IL5RA: variants seen among roughly 807,000 people sequenced by gnomAD.
IL5RA encodes interleukin-5 receptor subunit alpha.
A neutral mutation model predicts 50.0 loss-of-function variants in IL5RA; 49 were observed. That is an observed-to-expected ratio of 0.98 (90% CI 0.78 to 1.24). IL5RA has a LOEUF of 1.24. Among genes scored for constraint, IL5RA ranks in the 50% most tolerant of loss-of-function variants. IL5RA has a pLI of 0.00. For missense variants in IL5RA, 600 were observed against 500.4 expected (o/e 1.20, Z -1.90); for synonymous variants, 202 against 174.0 (o/e 1.16, Z -1.26).
rs765728555 is a variant in IL5RA at position 3,102,778 on chromosome 3, C to T, written c.125G>A (p.Gly42Asp). Residue 42 changes from glycine (G) to aspartate (D), a missense_variant, in exon 4 of 12, where the codon GGT becomes GAT. Gly to Asp is a moderately conservative substitution (Grantham distance 94). Coordinates refer to ENST00000446632, the MANE Select transcript of IL5RA (RefSeq NM_175726.4). ...CCATTGTAAAAGAACTTGAGCCAAA[C>T]CAGTAACTTTAATGGTGAAATTGAC... ...PPVNFTIKVT[G>D]LAQVLLQWKP... 5.6e-6 allele frequency: 9 copies of T among 1,611,930 alleles called. No homozygotes were observed. Among genetic ancestry groups the T allele is most frequent in the South Asian group, 1.1e-5 (1 of 90,604 alleles).
At chr3:3,102,594 C>T (rs1703708162) in intron 4 of IL5RA, 81 bp downstream of exon 4, 5 of 1,019,050 alleles carry the variant, frequency 4.9e-6, no homozygotes, top group South Asian at 1.8e-5. Flanking sequence ...TTTTTTAATC[C>T]AAAATTTTAT....
At chr3:3,071,946 G>C (rs1465297024) in intron 11 of IL5RA, among the ~76,000 whole-genome samples, 1 of 152,166 alleles carries the variant, frequency 6.6e-6, no homozygotes, top group African/African-American at 2.4e-5. Context: ...CTTGCTTCTA[G>C]GGTGGCAGAG....
At chr3:3,087,297 G>A (rs1702904835) in intron 9 of IL5RA, among the ~76,000 whole-genome samples, 1 of 152,174 alleles carries the variant, frequency 6.6e-6, no homozygotes. Context: ...ACTGTTCAGA[G>A]CAAGCAAAGA....
At chr3:3,088,473 C>T (rs1702963410) in intron 9 of IL5RA, among the ~76,000 whole-genome samples, 1 of 152,230 alleles carries the variant, frequency 6.6e-6, no homozygotes. Flanking sequence ...CTCAATGCTG[C>T]ACTCTAAGCA....
At chr3:3,074,532 G>C (rs562078324) in intron 11 of IL5RA, among the ~76,000 whole-genome samples, 2 of 152,324 alleles carry the variant, frequency 1.3e-5, no homozygotes, top group East Asian at 3.9e-4. Context: ...TACTTGGGAG[G>C]CTGAGGTGGG....
chr3:3,103,833 T>TA (rs1703775181), intron 3 of IL5RA, among the ~76,000 whole-genome samples: 1 of 152,214 alleles, frequency 6.6e-6, no homozygotes, highest in Non-Finnish European at 1.5e-5. Flanking sequence ...TAATTTTTTT[T>TA]ACCACAATTA....
intron 8 of IL5RA, among the ~76,000 whole-genome samples, chr3:3,094,003 A>C (rs1302829534): frequency 6.6e-6 from 1 of 152,226 alleles, no homozygotes; most frequent in Non-Finnish European, 1.5e-5. Flanking sequence ...GGATGGAATA[A>C]ACACATAATA....
intron 10 of IL5RA, among the ~76,000 whole-genome samples, chr3:3,075,896 G>A (rs562017853): frequency 4.6e-5 from 7 of 152,150 alleles, no homozygotes; most frequent in Non-Finnish European, 8.8e-5. Context: ...CCCCACACCC[G>A]GACCTTATAA....
Position 3,070,247 on chromosome 3 carries a change from G to C in IL5RA, c.1241C>G (p.Thr414Ser). The change falls in exon 12 of 12, where the codon ACC becomes AGC. Residue 414 changes from threonine (T) to serine (S), a missense_variant. Coordinates refer to ENST00000446632, the MANE Select transcript of IL5RA (RefSeq NM_175726.4). ...ICYIEKPGVE[T>S]LEDSVF Reference sequence around the variant, plus strand: ...CAGTCAAAACACAGAATCCTCCAGGGTCTCAACTCCAGGCTTCTCTATATA... The same window carrying C: ...CAGTCAAAACACAGAATCCTCCAGGCTCTCAACTCCAGGCTTCTCTATATA... 6.2e-7 allele frequency: 1 copy of C among 1,612,188 alleles called. No individual in the cohort carries two copies. Among genetic ancestry groups the C allele is most frequent in the Non-Finnish European group, 8.5e-7 (1 of 1,178,510 alleles).
intron 10 of IL5RA, among the ~76,000 whole-genome samples, chr3:3,076,151 T>C (rs1178997152): frequency 6.6e-6 from 1 of 152,094 alleles, no homozygotes; most frequent in African/African-American, 2.4e-5. Context: ...TTGTGGTGAT[T>C]TTAGCCTCCC....
intron 11 of IL5RA, among the ~76,000 whole-genome samples, 194 bp downstream of exon 11, chr3:3,074,588 G>C (rs2125951523): frequency 6.6e-6 from 1 of 152,274 alleles, no homozygotes; most frequent in South Asian, 2.1e-4. Flanking sequence ...GGACAACATA[G>C]CAAGACCCCA....
At chr3:3,076,015 C>A (rs1702469021) in intron 10 of IL5RA, among the ~76,000 whole-genome samples, 1 of 152,092 alleles carries the variant, frequency 6.6e-6, no homozygotes, top group African/African-American at 2.4e-5. Flanking sequence ...ACTTATGGAC[C>A]ATTTGTGGAC....
intron 8 of IL5RA, among the ~76,000 whole-genome samples, chr3:3,094,331 AT>A (rs1289119080): frequency 6.6e-6 from 1 of 152,204 alleles, no homozygotes; most frequent in Non-Finnish European, 1.5e-5. Context: ...GAGTTTGACT[AT>A]TTAACCTCAT....
rs1703354067 is a variant in IL5RA at position 3,096,138 on chromosome 3, C to T, written c.710-694G>A. Among the ~76,000 whole-genome samples the T allele has an allele frequency of 2.0e-5, 3 of 151,952 alleles. No individual in the cohort carries two copies. In the South Asian group the frequency reaches 6.2e-4, roughly 32 times the overall value. ...CTAAAAATACAAAAAATTAGCTGAGCGTGGTGGTGGGCGCCTGTAGTCCCA... is the reference window on the plus strand; with the variant it reads ...CTAAAAATACAAAAAATTAGCTGAGTGTGGTGGTGGGCGCCTGTAGTCCCA... On this transcript the variant is annotated intron_variant, in intron 7 of 11. Transcript: ENST00000446632.
chr3:3,088,301 C>A (rs1470729997), intron 9 of IL5RA, among the ~76,000 whole-genome samples: 1 of 152,146 alleles, frequency 6.6e-6, no homozygotes, highest in African/African-American at 2.4e-5. Flanking sequence ...TGTAGTGCAG[C>A]ACTTATATTT....
chr3:3,092,422 T>C lies in IL5RA; in HGVS notation c.856-60A>G, dbSNP rs932762969. On this transcript the variant is annotated intron_variant, in intron 8 of 11. Transcript: ENST00000446632. This position sits in a 1 kb window ranked among gnomAD's most constrained non-coding sequence, Gnocchi z 4.2. The stretch of plus-strand genomic sequence containing the variant: ...AGACACCTAATTTAGTTCTGCCGAT[T>C]ATCAGAATGGGAGGTCCTATATAGG... 9.4e-5 allele frequency: 143 copies of C among 1,520,132 alleles called. No individual in the cohort carries two copies. The African/African-American group carries it at 1.8e-3, about 19-fold the overall frequency. The allele number at this position is 1,520,132 out of a possible 1,614,324, so 94.2% of individuals were successfully genotyped here.
intron 9 of IL5RA, among the ~76,000 whole-genome samples, chr3:3,080,071 T>C (rs993597628): frequency 3.3e-5 from 5 of 152,088 alleles, no homozygotes; most frequent in Non-Finnish European, 7.4e-5. Flanking sequence ...GTAGTGCCTT[T>C]TTGCTGCTGG....
intron 11 of IL5RA, among the ~76,000 whole-genome samples, chr3:3,074,292 T>G (rs1702403366): frequency 6.6e-6 from 1 of 152,226 alleles, no homozygotes; most frequent in Admixed American, 6.5e-5. Flanking sequence ...CAGAACATTG[T>G]ACAATCTCAT....
At chr3:3,082,744 G>T (rs2125961070) in intron 9 of IL5RA, among the ~76,000 whole-genome samples, 1 of 152,310 alleles carries the variant, frequency 6.6e-6, no homozygotes, top group South Asian at 2.1e-4. Flanking sequence ...TGGGAGCTTT[G>T]TCAAGCCACT....
Sources: gnomAD v4.1 joint callset for allele counts (sites outside exome capture counted in the v4.1 genomes callset) on GRCh38, gnomAD v4.1.1 for gene constraint, Gnocchi (gnomAD v3.1) non-coding constraint, MANE v1.5 for transcripts, NCBI Gene and HGNC (gene_info 2026-07-23, HGNC 2026-07-21) for gene names.